Variants in DYM observed in about 807,000 individuals in gnomAD.
DYM encodes dyggve-Melchior-Clausen syndrome protein.
DYM carries 78 observed loss-of-function variants against 93.1 expected under a neutral mutation model. The observed-to-expected ratio is 0.84, with a 90% CI of 0.70 to 1.01. DYM has a LOEUF of 1.01. Among genes scored for constraint, DYM ranks in the 50% least tolerant of loss-of-function variants. The probability of loss-of-function intolerance (pLI) is 0.00; values close to 1 mark genes in which losing one functional copy is unlikely to be tolerated. For synonymous variants in DYM, 321 were observed against 319.7 expected (o/e 1.00, Z -0.04); for missense variants, 789 against 845.0 (o/e 0.93, Z 0.82).
At chr18:49,052,709 C>T (rs917588082) in intron 17 of DYM, among the ~76,000 whole-genome samples, 3 of 152,376 alleles carry the variant, frequency 2.0e-5, no homozygotes, top group African/African-American at 4.8e-5. Flanking sequence ...TCTGGCTCTT[C>T]TCTGCCCACA....
At chr18:49,159,830 T>C (rs1457099887) in intron 15 of DYM, among the ~76,000 whole-genome samples, 1 of 152,208 alleles carries the variant, frequency 6.6e-6, no homozygotes, top group Non-Finnish European at 1.5e-5. Flanking sequence ...AAAAGTTAAA[T>C]TGTTAGGAAC....
intron 1 of DYM, among the ~76,000 whole-genome samples, chr18:49,457,609 A>T (rs1285207191): frequency 6.6e-6 from 1 of 152,214 alleles, no homozygotes; most frequent in Non-Finnish European, 1.5e-5. Context: ...GCAGCAAAAG[A>T]AATCACCTAC....
chr18:49,358,761 T>C (rs1325716775), intron 6 of DYM, among the ~76,000 whole-genome samples: 1 of 152,042 alleles, frequency 6.6e-6, no homozygotes, highest in Non-Finnish European at 1.5e-5. Flanking sequence ...GTGGTGGCAC[T>C]AGTGAGAAGG....
At chr18:49,392,868 G>A (rs932465257) in intron 2 of DYM, among the ~76,000 whole-genome samples, 2 of 150,774 alleles carry the variant, frequency 1.3e-5, no homozygotes, top group East Asian at 2.0e-4. Context: ...GGTGGTACAC[G>A]CCTGTGATCC....
intron 16 of DYM, among the ~76,000 whole-genome samples, chr18:49,115,537 C>T (rs1237886338): frequency 6.6e-6 from 1 of 151,992 alleles, no homozygotes; most frequent in East Asian, 1.9e-4. Flanking sequence ...TGAGGGAGGT[C>T]CAGAGAAAGG....
intron 6 of DYM, among the ~76,000 whole-genome samples, chr18:49,359,207 G>A (rs2065821218): frequency 1.3e-5 from 2 of 152,060 alleles, no homozygotes; most frequent in Admixed American, 6.5e-5. Context: ...CACAGGGAAG[G>A]TATAAAAATC....
At chr18:49,075,663 T>C (rs1599551394) in intron 17 of DYM, among the ~76,000 whole-genome samples, 1 of 152,172 alleles carries the variant, frequency 6.6e-6, no homozygotes, top group South Asian at 2.1e-4. Context: ...GTGGGGGTAG[T>C]AGATAATGCC....
chr18:49,117,861 A>G (rs556986607), intron 16 of DYM, among the ~76,000 whole-genome samples: 1 of 152,162 alleles, frequency 6.6e-6, no homozygotes, highest in African/African-American at 2.4e-5. Flanking sequence ...TGGAACATAT[A>G]TTATAGTAGC....
At chr18:49,252,252 G>C (rs1009106119) in intron 13 of DYM, among the ~76,000 whole-genome samples, 2 of 37,630 alleles carry the variant, frequency 5.3e-5, no homozygotes, top group Non-Finnish European at 1.1e-4. Context: ...AGAACTGCCT[G>C]AGACTGGGTA....
intron 13 of DYM, among the ~76,000 whole-genome samples, chr18:49,251,499 G>C (rs963957214): frequency 6.6e-6 from 1 of 152,144 alleles, no homozygotes; most frequent in Admixed American, 6.5e-5. Flanking sequence ...AGGAAGAGTA[G>C]GTTTGAAAAC....
chr18:49,071,883 G>A (rs1407284726), intron 17 of DYM, among the ~76,000 whole-genome samples: 1 of 152,132 alleles, frequency 6.6e-6, no homozygotes, highest in Non-Finnish European at 1.5e-5. Flanking sequence ...ATTAAATAAG[G>A]TTGTTTCTAC....
chr18:49,450,852 T>C (rs2082466946), intron 1 of DYM, among the ~76,000 whole-genome samples: 1 of 152,244 alleles, frequency 6.6e-6, no homozygotes, highest in African/African-American at 2.4e-5. Context: ...CACAGACAAT[T>C]GTTGTTTTGC....
intron 15 of DYM, among the ~76,000 whole-genome samples, chr18:49,120,293 G>C (rs2082273806): frequency 1.3e-5 from 2 of 152,042 alleles, no homozygotes; most frequent in African/African-American, 4.8e-5. Context: ...CTGAGGATTG[G>C]CAGAGTGGAT....
intron 6 of DYM, among the ~76,000 whole-genome samples, chr18:49,334,359 T>G (rs189297981): frequency 1.3e-5 from 2 of 152,254 alleles, no homozygotes; most frequent in Non-Finnish European, 2.9e-5. Flanking sequence ...CAACTTTGCA[T>G]GTTCAGCAAA....
At chr18:49,389,349 TA>T (rs1422009762) in intron 3 of DYM, among the ~76,000 whole-genome samples, 1 of 152,070 alleles carries the variant, frequency 6.6e-6, no homozygotes, top group East Asian at 1.9e-4. Flanking sequence ...GATATATATA[TA>T]AATTTATATC....
intron 16 of DYM, among the ~76,000 whole-genome samples, chr18:49,113,448 C>G (rs1026290722): frequency 2.3e-4 from 35 of 152,310 alleles, no homozygotes; most frequent in African/African-American, 7.5e-4. Context: ...AATGTAGGCA[C>G]TTGAAAAACA....
chr18:49,424,357 C>A (rs2148387500), intron 2 of DYM, among the ~76,000 whole-genome samples: 1 of 152,164 alleles, frequency 6.6e-6, no homozygotes, highest in South Asian at 2.1e-4. Context: ...GCCCTTCATG[C>A]TAAAAACTCT....
At chr18:49,199,574 AG>A in intron 14 of DYM, among the ~76,000 whole-genome samples, 1 of 152,240 alleles carries the variant, frequency 6.6e-6, no homozygotes, top group Non-Finnish European at 1.5e-5. Flanking sequence ...TAATGGTTTA[AG>A]TGGGATAATA....
chr18:49,230,519 T>C (rs1199744971), intron 13 of DYM, among the ~76,000 whole-genome samples: 2 of 152,170 alleles, frequency 1.3e-5, no homozygotes, highest in Admixed American at 6.5e-5. Flanking sequence ...GACTTGTTAA[T>C]ATCCTACCAA....
Sources: gnomAD v4.1 joint callset for allele counts (sites outside exome capture counted in the v4.1 genomes callset) on GRCh38, gnomAD v4.1.1 for gene constraint, MANE v1.5 for transcripts, NCBI Gene and HGNC (gene_info 2026-07-23, HGNC 2026-07-21) for gene names.